The following CIRSR variants were observed in gnomAD, a reference collection of about 807,000 sequenced individuals.
CIRSR encodes the protein corepressor of RBPJ and splicing regulator, also known as CBF1 (RBPJ) interacting corepressor 1.
the CIRSR span, chr2:174,395,645 G>A: frequency 6.2e-7 from 1 of 1,614,168 alleles, no homozygotes; most frequent in Non-Finnish European, 8.5e-7. Context: ...ACTAGGGAAA[G>A]CAGGGGCTAG....
the CIRSR span, among the ~76,000 whole-genome samples, chr2:174,354,333 TAAG>T: frequency 7.3e-6 from 1 of 137,074 alleles, no homozygotes; most frequent in Non-Finnish European, 1.5e-5. Flanking sequence ...CTTTCTTATA[TAAG>T]AAATTGTCTT....
the CIRSR span, chr2:174,351,681 T>A: frequency 5.6e-6 from 9 of 1,613,718 alleles, no homozygotes; most frequent in South Asian, 9.9e-5. Flanking sequence ...GCAAACCCAC[T>A]GTTTCTCATC....
the CIRSR span, among the ~76,000 whole-genome samples, chr2:174,385,526 G>T: frequency 6.6e-6 from 1 of 152,090 alleles, no homozygotes; most frequent in Non-Finnish European, 1.5e-5. Context: ...ATTCACCAAT[G>T]AAAGGAATCT....
the CIRSR span, among the ~76,000 whole-genome samples, chr2:174,386,317 G>C: frequency 3.3e-5 from 5 of 152,096 alleles, no homozygotes; most frequent in Non-Finnish European, 7.3e-5. Flanking sequence ...GAGTAGCTGG[G>C]ATTACAGGCA....
chr2:174,387,659 T>C, the CIRSR span: 1 of 1,564,442 alleles, frequency 6.4e-7, no homozygotes, highest in Non-Finnish European at 8.7e-7. Flanking sequence ...TAATTCTAGA[T>C]ATACTGGCAT....
the CIRSR span, among the ~76,000 whole-genome samples, chr2:174,367,378 G>C: frequency 6.6e-6 from 1 of 152,114 alleles, no homozygotes; most frequent in Non-Finnish European, 1.5e-5. Context: ...AAGAGATCGA[G>C]ACCATCCTGG....
At chr2:174,387,678 T>A in the CIRSR span, 1 of 1,575,530 alleles carries the variant, frequency 6.3e-7, no homozygotes, top group Non-Finnish European at 8.6e-7. Flanking sequence ...ATAACAGAAT[T>A]TCTTACCTAT....
the CIRSR span, among the ~76,000 whole-genome samples, chr2:174,379,716 C>CTTTTTTTTTTTTTTTTTTTTTTTTT: frequency 1.2e-5 from 1 of 83,718 alleles, no homozygotes. Context: ...TGATTCCTGT[C>CTTTTTTTTTTTTTTTTTTTTTTTTT]TTTTTTTTTT....
At chr2:174,387,738 T>G in the CIRSR span, 1 of 1,599,848 alleles carries the variant, frequency 6.3e-7, no homozygotes, top group Non-Finnish European at 8.5e-7. Context: ...ATTCTTCTTG[T>G]TTCTTCTTAT....
At chr2:174,364,051 A>G in the CIRSR span, among the ~76,000 whole-genome samples, 2 of 152,328 alleles carry the variant, frequency 1.3e-5, no homozygotes, top group Non-Finnish European at 2.9e-5. Flanking sequence ...TCTTCTGCCT[A>G]TGAGCCTCTA....
the CIRSR span, among the ~76,000 whole-genome samples, chr2:174,372,554 A>G: frequency 6.6e-6 from 1 of 152,320 alleles, no homozygotes; most frequent in South Asian, 2.1e-4. Flanking sequence ...ACAATATTCT[A>G]TAATTACTCA....
chr2:174,377,379 A>G, the CIRSR span, among the ~76,000 whole-genome samples: 1 of 152,162 alleles, frequency 6.6e-6, no homozygotes, highest in African/African-American at 2.4e-5. Flanking sequence ...GGCATTAGGT[A>G]TGTAAGCTTT....
the CIRSR span, among the ~76,000 whole-genome samples, chr2:174,391,980 T>C: frequency 1.3e-5 from 2 of 151,858 alleles, no homozygotes; most frequent in African/African-American, 4.8e-5. Flanking sequence ...TAAGGAAAAA[T>C]GGGAGTGACT....
chr2:174,394,470 G>T, the CIRSR span, among the ~76,000 whole-genome samples: 3 of 152,180 alleles, frequency 2.0e-5, no homozygotes, highest in African/African-American at 7.2e-5. Context: ...TTAATCAGGT[G>T]TTCCAGATCC....
chr2:174,361,955 TCC>T, the CIRSR span, among the ~76,000 whole-genome samples: 2 of 152,178 alleles, frequency 1.3e-5, no homozygotes, highest in Non-Finnish European at 2.9e-5. Flanking sequence ...TACCATATTA[TCC>T]TATCTACTCA....
the CIRSR span, among the ~76,000 whole-genome samples, chr2:174,382,532 G>A: frequency 1.3e-5 from 2 of 152,054 alleles, no homozygotes; most frequent in African/African-American, 4.8e-5. Flanking sequence ...CCAGCTACTC[G>A]GGAGGCTGAG....
the CIRSR span, among the ~76,000 whole-genome samples, chr2:174,385,931 C>T: frequency 6.6e-6 from 1 of 152,044 alleles, no homozygotes; most frequent in South Asian, 2.1e-4. Flanking sequence ...GCAAGATCTA[C>T]TGATGAATAC....
At chr2:174,395,077 G>A in the CIRSR span, among the ~76,000 whole-genome samples, 1 of 152,076 alleles carries the variant, frequency 6.6e-6, no homozygotes, top group African/African-American at 2.4e-5. Flanking sequence ...TATTACAACT[G>A]GTAGACCTGT....
the CIRSR span, among the ~76,000 whole-genome samples, chr2:174,357,423 A>G: frequency 1.3e-5 from 2 of 152,208 alleles, no homozygotes; most frequent in Non-Finnish European, 2.9e-5. Flanking sequence ...CTAAAGAAAA[A>G]GGAGGCCAAG....
Sources: allele counts gnomAD v4.1 joint callset (sites outside exome capture counted in the v4.1 genomes callset), GRCh38; gene constraint gnomAD v4.1.1; transcripts MANE v1.5; gene names NCBI Gene and HGNC (gene_info 2026-07-23, HGNC 2026-07-21).